The following GLG1 variants were observed in gnomAD, a reference collection of about 807,000 sequenced individuals.
GLG1 encodes Golgi apparatus protein 1.
A neutral mutation model predicts 160.5 loss-of-function variants in GLG1; 38 were observed. The observed-to-expected ratio is 0.24, with a 90% CI of 0.18 to 0.31. The LOEUF (loss-of-function observed/expected upper bound fraction) is 0.31. GLG1 is among the 10% of genes least tolerant of loss of function. The probability of loss-of-function intolerance (pLI) is 1.00; values close to 1 mark genes in which losing one functional copy is unlikely to be tolerated. For missense variants in GLG1, 1,373 were observed against 1,505.2 expected (o/e 0.91, Z 1.45); for synonymous variants, 644 against 543.4 (o/e 1.19, Z -2.57).
chr16:74,521,203 C>A (rs754094979), intron 2 of GLG1, among the ~76,000 whole-genome samples: 2 of 152,030 alleles, frequency 1.3e-5, no homozygotes, highest in African/African-American at 4.8e-5. Flanking sequence ...CAAGGGGCAA[C>A]GGTCGTAGGA....
At chr16:74,466,736 G>A (rs1239460257) in intron 18 of GLG1, among the ~76,000 whole-genome samples, 1 of 152,118 alleles carries the variant, frequency 6.6e-6, no homozygotes, top group East Asian at 1.9e-4. Context: ...GCTAGGAAAT[G>A]AAAAACAAAA....
intron 8 of GLG1, among the ~76,000 whole-genome samples, chr16:74,487,515 C>T (rs1191016338): frequency 3.9e-5 from 6 of 152,234 alleles, no homozygotes; most frequent in African/African-American, 9.6e-5. Context: ...CAATATTCTA[C>T]GATAGAAGTT....
intron 1 of GLG1, among the ~76,000 whole-genome samples, chr16:74,598,869 G>A (rs1258168120): frequency 2.0e-5 from 3 of 151,484 alleles, no homozygotes; most frequent in Admixed American, 1.3e-4. Context: ...GAGCAAGAGC[G>A]AAACTCCACC....
Position 74,456,640 on chromosome 16 carries a change from G to C in GLG1, c.3372+9C>G, listed in dbSNP as rs372031764. The C allele has an allele frequency of 5.7e-4, 886 of 1,547,316 alleles. No individual in the cohort carries two copies. The highest frequency in any genetic ancestry group is 7.5e-4 in the Non-Finnish European group (847 of 1,126,640). On this transcript the variant is annotated intron_variant, in intron 25 of 25. Transcript: ENST00000422840. ...TTTTTTTAAAAAAGGAGATTCTCTT[G>C]GTCATTACCTTTGCTGCGTAACTCC...
At chr16:74,583,473 C>T (rs1460480664) in intron 1 of GLG1, among the ~76,000 whole-genome samples, 3 of 152,254 alleles carry the variant, frequency 2.0e-5, no homozygotes, top group Middle Eastern at 3.4e-3. Context: ...CTCCATCTCC[C>T]GGGTTCAAGC....
At chr16:74,483,888 T>A (rs958741643) in intron 9 of GLG1, among the ~76,000 whole-genome samples, 1 of 152,174 alleles carries the variant, frequency 6.6e-6, no homozygotes, top group African/African-American at 2.4e-5. Flanking sequence ...CTCGATCTCC[T>A]GACCTCGTGA....
chr16:74,522,008 C>G (rs1769908291), intron 2 of GLG1, among the ~76,000 whole-genome samples: 1 of 152,184 alleles, frequency 6.6e-6, no homozygotes, highest in Non-Finnish European at 1.5e-5. Context: ...TACGGCATCC[C>G]GATTGGGCAT....
chr16:74,572,044 G>C (rs2018842463), intron 1 of GLG1, among the ~76,000 whole-genome samples: 1 of 152,068 alleles, frequency 6.6e-6, no homozygotes, highest in Non-Finnish European at 1.5e-5. Flanking sequence ...GTTGGGGGTG[G>C]TGGTGGCGCT....
At chr16:74,502,371 C>G (rs1213139595) in intron 4 of GLG1, among the ~76,000 whole-genome samples, 1 of 152,126 alleles carries the variant, frequency 6.6e-6, no homozygotes, top group Non-Finnish European at 1.5e-5. Context: ...AAGAAACTAG[C>G]TAGGTAGTTA....
At chr16:74,471,741 A>T (rs1298870775) in intron 14 of GLG1, among the ~76,000 whole-genome samples, 2 of 152,156 alleles carry the variant, frequency 1.3e-5, no homozygotes, top group Non-Finnish European at 2.9e-5. Flanking sequence ...AACAATTCCT[A>T]GGCTGATGTA....
chr16:74,471,975 G>A (rs1567464632), intron 14 of GLG1, among the ~76,000 whole-genome samples: 1 of 152,032 alleles, frequency 6.6e-6, no homozygotes, highest in Admixed American at 6.5e-5. Context: ...CACAATCACG[G>A]CTCACTGCAG....
chr16:74,581,244 G>C (rs1475033624), intron 1 of GLG1, among the ~76,000 whole-genome samples: 2 of 152,146 alleles, frequency 1.3e-5, no homozygotes, highest in Non-Finnish European at 2.9e-5. Flanking sequence ...AGCAATTCAA[G>C]TGTCCATTAA....
intron 1 of GLG1, among the ~76,000 whole-genome samples, chr16:74,606,038 C>T (rs1268037194): frequency 1.3e-5 from 2 of 152,182 alleles, no homozygotes; most frequent in Non-Finnish European, 2.9e-5. Flanking sequence ...GATCCCATAA[C>T]CCAGTCACAA....
At chr16:74,456,389 T>C (rs775704127) in intron 25 of GLG1, among the ~76,000 whole-genome samples, 25 of 152,220 alleles carry the variant, frequency 1.6e-4, no homozygotes, top group African/African-American at 3.6e-4. Context: ...CTCGATCTCC[T>C]GACCTCGTGA....
rs370549652 is a variant in GLG1, at chr16:74,494,838, G to C, written c.979-7C>G. 67 of 1,364,946 alleles carry C rather than the reference G, an allele frequency of 4.9e-5. No homozygotes were observed. The highest frequency in any genetic ancestry group is 1.8e-4 in the Middle Eastern group (1 of 5,564). 84.6% of individuals were successfully genotyped at this position (1,364,946 alleles called of 1,614,324 possible). A position where few individuals can be genotyped will look rare whatever the true frequency, so the allele number is the denominator to read the frequency against. ...TGCCCTCACCAGCTTGTGTCTATAAGATGGAACATACACATTATTATTACT... is the reference window on the plus strand; with the variant it reads ...TGCCCTCACCAGCTTGTGTCTATAACATGGAACATACACATTATTATTACT... On this transcript the variant is annotated splice_region_variant and splice_polypyrimidine_tract_variant and intron_variant, in intron 5 of 25. Coordinates refer to ENST00000422840, the MANE Select transcript of GLG1 (RefSeq NM_001145667.2).
At chr16:74,561,673 A>G (rs2018517821) in intron 1 of GLG1, among the ~76,000 whole-genome samples, 2 of 152,358 alleles carry the variant, frequency 1.3e-5, no homozygotes, top group South Asian at 2.1e-4. Context: ...CAAATTACCT[A>G]TGATAACCCA....
intron 1 of GLG1, among the ~76,000 whole-genome samples, chr16:74,584,107 G>C (rs777754014): frequency 1.3e-5 from 2 of 152,112 alleles, no homozygotes; most frequent in South Asian, 4.2e-4. Flanking sequence ...ATAGTGCCCC[G>C]AGTAATTTCC....
At chr16:74,535,456 T>TA (rs912770288) in intron 1 of GLG1, among the ~76,000 whole-genome samples, 127 of 152,320 alleles carry the variant, frequency 8.3e-4, no homozygotes, top group African/African-American at 3.0e-3. Context: ...AGTTTTGAGA[T>TA]AGAGTCTTGT....
intron 1 of GLG1, among the ~76,000 whole-genome samples, chr16:74,561,606 T>C (rs751241751): frequency 1.3e-5 from 2 of 152,202 alleles, no homozygotes; most frequent in African/African-American, 4.8e-5. Flanking sequence ...TCATGCTAAA[T>C]CAGCCAGTAC....
Sources: gnomAD v4.1 joint callset for allele counts (sites outside exome capture counted in the v4.1 genomes callset) on GRCh38, gnomAD v4.1.1 for gene constraint, MANE v1.5 for transcripts, NCBI Gene and HGNC (gene_info 2026-07-23, HGNC 2026-07-21) for gene names.